IFT74: variants seen among roughly 807,000 people sequenced by gnomAD.
The protein encoded by IFT74 is intraflagellar transport protein 74 homolog.
Under a neutral mutation model 96.7 loss-of-function variants are expected in IFT74, and 92 were observed. The ratio of observed to expected loss-of-function variants is 0.95; its 90% CI spans 0.80 to 1.13. IFT74 has a LOEUF of 1.13. Among genes scored for constraint, IFT74 ranks in the 50% most tolerant of loss-of-function variants. IFT74 has a pLI of 0.00. For synonymous variants in IFT74, 223 were observed against 213.2 expected, an observed-to-expected ratio of 1.05 and a Z score of -0.40; for missense variants, 811 against 698.2, an observed-to-expected ratio of 1.16 and a Z score of -1.82.
At chr9:27,043,828 A>T (rs539532490) in intron 13 of IFT74, among the ~76,000 whole-genome samples, 1 of 152,224 alleles carries the variant, frequency 6.6e-6, no homozygotes, top group South Asian at 2.1e-4. Context: ...TTCCATCCCA[A>T]TTACCACCGC....
At chr9:27,037,407 G>A (rs963837757) in intron 13 of IFT74, among the ~76,000 whole-genome samples, 5 of 152,310 alleles carry the variant, frequency 3.3e-5, no homozygotes, top group Non-Finnish European at 7.4e-5. Flanking sequence ...AGTAAGGGAT[G>A]ACTAGCTAGC....
chr9:27,018,071 G>C (rs1171077503), intron 11 of IFT74, among the ~76,000 whole-genome samples: 1 of 152,068 alleles, frequency 6.6e-6, no homozygotes, highest in Non-Finnish European at 1.5e-5. Flanking sequence ...AGAAATCATT[G>C]AAAGATGGGG....
intron 7 of IFT74, 109 bp downstream of exon 7, chr9:26,988,837 T>C: frequency 4.3e-6 from 4 of 922,020 alleles, no homozygotes; most frequent in Non-Finnish European, 6.0e-6. Flanking sequence ...TAGAGGTGAA[T>C]ATTACTCTGA....
intron 12 of IFT74, among the ~76,000 whole-genome samples, chr9:27,020,871 A>C (rs528259860): frequency 6.6e-6 from 1 of 152,224 alleles, no homozygotes; most frequent in South Asian, 2.1e-4. Context: ...TGCATCCATC[A>C]ACCAAGCAGT....
At chr9:26,984,134 T>G in intron 4 of IFT74, 123 bp from the exon 5 acceptor site, 2 of 767,850 alleles carry the variant, frequency 2.6e-6, no homozygotes, top group South Asian at 3.9e-5. Context: ...TTCTGCATTC[T>G]TTTAGTGAAT....
intron 16 of IFT74, among the ~76,000 whole-genome samples, chr9:27,051,049 CT>C (rs1001529285): frequency 5.3e-5 from 8 of 152,034 alleles, no homozygotes; most frequent in African/African-American, 1.9e-4. Flanking sequence ...ACTATTTATG[CT>C]TTTTGCTATA....
At chr9:27,031,200 C>T (rs544591687) in intron 13 of IFT74, among the ~76,000 whole-genome samples, 2 of 152,104 alleles carry the variant, frequency 1.3e-5, no homozygotes, top group Non-Finnish European at 2.9e-5. Flanking sequence ...TCTTTTAGGT[C>T]GTGTGCGGTG....
intron 8 of IFT74, among the ~76,000 whole-genome samples, chr9:27,004,226 T>A (rs192560643): frequency 6.6e-6 from 1 of 152,320 alleles, no homozygotes; most frequent in East Asian, 1.9e-4. Context: ...TGCTATTTAA[T>A]GCTAATAATT....
intron 13 of IFT74, chr9:27,036,670 T>G (rs1024450730): frequency 5.9e-6 from 8 of 1,344,876 alleles, no homozygotes; most frequent in Non-Finnish European, 6.7e-6. Flanking sequence ...TTGTGTTCAC[T>G]CTTTGCTTCT....
chr9:27,012,171 A>G (rs1002588325), intron 10 of IFT74, among the ~76,000 whole-genome samples: 2 of 152,226 alleles, frequency 1.3e-5, no homozygotes, highest in African/African-American at 4.8e-5. Flanking sequence ...CCTACTATGT[A>G]TAAAACAAAT....
chr9:26,975,888 C>G (rs1827094391), intron 2 of IFT74, among the ~76,000 whole-genome samples: 1 of 152,180 alleles, frequency 6.6e-6, no homozygotes, highest in South Asian at 2.1e-4. Context: ...GGCTGCTTCC[C>G]TTGTGGGAAA....
intron 2 of IFT74, among the ~76,000 whole-genome samples, chr9:26,965,756 A>G (rs763376267): frequency 3.3e-5 from 5 of 152,052 alleles, no homozygotes; most frequent in Non-Finnish European, 7.4e-5. Context: ...ACTGTACCCA[A>G]TATGTAATTT....
intron 8 of IFT74, chr9:26,995,651 G>A: frequency 6.2e-7 from 1 of 1,613,852 alleles, no homozygotes; most frequent in Non-Finnish European, 8.5e-7. Flanking sequence ...TGGTATCTGT[G>A]AAAGAGAGCT....
intron 2 of IFT74, among the ~76,000 whole-genome samples, chr9:26,973,602 C>G (rs147873475): frequency 3.3e-5 from 5 of 152,298 alleles, no homozygotes; most frequent in African/African-American, 1.2e-4. Context: ...CTAATTTTAG[C>G]ATTAAGTCTT....
chr9:26,977,620 C>T (rs1827183197), intron 2 of IFT74, among the ~76,000 whole-genome samples: 1 of 152,112 alleles, frequency 6.6e-6, no homozygotes, highest in East Asian at 1.9e-4. Flanking sequence ...TCTCAAGTAG[C>T]CGGGATTACA....
At chr9:27,026,230 C>T (rs1371305006) in intron 12 of IFT74, among the ~76,000 whole-genome samples, 1 of 152,004 alleles carries the variant, frequency 6.6e-6, no homozygotes, top group Non-Finnish European at 1.5e-5. Context: ...TTGAAAAAGA[C>T]AAAGAAGGAC....
At chr9:27,019,738 C>T (rs796509522) in intron 12 of IFT74, among the ~76,000 whole-genome samples, 78 of 151,784 alleles carry the variant, frequency 5.1e-4, no homozygotes, top group Admixed American at 1.8e-3. Flanking sequence ...CTCCTATAAA[C>T]ATCCATGTAC....
At chr9:27,005,921 C>A (rs777225076) in intron 8 of IFT74, among the ~76,000 whole-genome samples, 1 of 152,066 alleles carries the variant, frequency 6.6e-6, no homozygotes, top group Non-Finnish European at 1.5e-5. Flanking sequence ...CTCAATGCAA[C>A]CTCCACCTCC....
chr9:26,977,944 T>G (rs1400936511), intron 2 of IFT74, among the ~76,000 whole-genome samples, 184 bp from the exon 3 acceptor site: 3 of 152,222 alleles, frequency 2.0e-5, no homozygotes, highest in Non-Finnish European at 4.4e-5. Context: ...ACATTAAATG[T>G]TAAAGAAATA....
Sources: gnomAD v4.1 joint callset for allele counts (sites outside exome capture counted in the v4.1 genomes callset) on GRCh38, gnomAD v4.1.1 for gene constraint, MANE v1.5 for transcripts, NCBI Gene and HGNC (gene_info 2026-07-23, HGNC 2026-07-21) for gene names.